The following CACNA2D1 variants were observed in gnomAD, a reference collection of about 807,000 sequenced individuals.
CACNA2D1 encodes the protein voltage-dependent calcium channel subunit alpha-2/delta-1.
A neutral mutation model predicts 171.5 loss-of-function variants in CACNA2D1; 53 were observed. The ratio of observed to expected loss-of-function variants is 0.31; its 90% confidence interval spans 0.25 to 0.39. CACNA2D1 has a LOEUF of 0.39. Ranked by LOEUF, CACNA2D1 falls within the 10% of genes least tolerant of loss-of-function variation. The pLI is 1.00. For synonymous variants in CACNA2D1, 442 were observed against 443.1 expected (o/e 1.00, Z 0.03); for missense variants, 903 against 1,299.8 (o/e 0.69, Z 4.69).
rs539123446 is a variant in CACNA2D1, at chr7:82,280,862, G to C, written c.294+54273C>G. Among the ~76,000 whole-genome samples the C allele has an allele frequency of 6.6e-5, 10 of 152,072 alleles. No individual in the cohort carries two copies. The East Asian group carries it at 1.4e-3, about 21-fold the overall frequency. ...GTGCCTGCCTGGAAATTATTTATTT[G>C]TCTGAGGTCAAACTGCAAGTAAATG... On this transcript the variant is annotated intron_variant, in intron 3 of 38. Transcript: ENST00000356860.
intron 7 of CACNA2D1, among the ~76,000 whole-genome samples, chr7:82,078,146 T>C (rs1326312271): frequency 6.6e-6 from 1 of 152,172 alleles, no homozygotes; most frequent in Admixed American, 6.5e-5. Context: ...ACACATTAGG[T>C]TCCTTTATTG....
intron 3 of CACNA2D1, among the ~76,000 whole-genome samples, chr7:82,290,596 C>A (rs1488036826): frequency 6.7e-6 from 1 of 148,156 alleles, no homozygotes; most frequent in Non-Finnish European, 1.5e-5. Flanking sequence ...AAAAAAAAAG[C>A]CATGAATTTT....
At chr7:82,326,336 A>G (rs1418463025) in intron 3 of CACNA2D1, among the ~76,000 whole-genome samples, 2 of 152,186 alleles carry the variant, frequency 1.3e-5, no homozygotes, top group Non-Finnish European at 2.9e-5. Context: ...CGTGTCATTT[A>G]AAGTCACAGT....
chr7:82,347,748 A>ATT (rs537460387), intron 2 of CACNA2D1, among the ~76,000 whole-genome samples: 25 of 152,100 alleles, frequency 1.6e-4, no homozygotes, highest in Non-Finnish European at 3.2e-4. Context: ...TTAATTTGGA[A>ATT]TTTTTCTGTG....
intron 38 of CACNA2D1, among the ~76,000 whole-genome samples, chr7:81,955,083 T>G (rs1475979790): frequency 3.3e-5 from 5 of 152,102 alleles, no homozygotes; most frequent in Admixed American, 1.3e-4. Context: ...CTTTGATTAA[T>G]AAATGTTAGC....
chr7:82,056,570 G>A (rs929008567), intron 10 of CACNA2D1, among the ~76,000 whole-genome samples: 6 of 151,970 alleles, frequency 3.9e-5, no homozygotes, highest in Non-Finnish European at 7.4e-5. Flanking sequence ...GATACACATG[G>A]GCCTAAAAGC....
At chr7:82,428,959 A>G (rs1585929531) in intron 1 of CACNA2D1, among the ~76,000 whole-genome samples, 1 of 152,320 alleles carries the variant, frequency 6.6e-6, no homozygotes, top group East Asian at 1.9e-4. Context: ...TTTGGGAGTT[A>G]GTAGAGCAAT....
In CACNA2D1 at chr7:82,439,165, T is replaced by A. The variant is rs1048386151; in HGVS notation, c.95+4200A>T. Among the ~76,000 whole-genome samples, 2 of 152,012 alleles carry A rather than the reference T, an allele frequency of 1.3e-5. 1 individual carries two copies. The highest frequency in any genetic ancestry group is 1.3e-4 in the Admixed American group (2 of 15,250). ...TAAGAGGTGCTTTATATAATGATAC[T>A]CCAGAGAATATGTAAATTATATAGT... On this transcript the variant is annotated intron_variant, in intron 1 of 38. Coordinates refer to ENST00000356860, the MANE Select transcript of CACNA2D1 (RefSeq NM_000722.4).
intron 1 of CACNA2D1, among the ~76,000 whole-genome samples, chr7:82,377,347 T>C (rs1823131064): frequency 6.6e-6 from 1 of 152,206 alleles, no homozygotes; most frequent in Admixed American, 6.5e-5. Flanking sequence ...TAACCATCTG[T>C]AGGATTCAAC....
chr7:82,172,747 C>T (rs1257800557), intron 3 of CACNA2D1, among the ~76,000 whole-genome samples: 2 of 146,526 alleles, frequency 1.4e-5, no homozygotes, highest in African/African-American at 5.1e-5. Context: ...CAAAGACATG[C>T]CCTTGACAAA....
chr7:81,957,267 G>C (rs1275109454), intron 38 of CACNA2D1, among the ~76,000 whole-genome samples: 1 of 151,724 alleles, frequency 6.6e-6, no homozygotes, highest in Non-Finnish European at 1.5e-5. Flanking sequence ...CATAAATATT[G>C]AATATGTTTC....
intron 4 of CACNA2D1, among the ~76,000 whole-genome samples, chr7:82,149,591 G>A (rs1245389887): frequency 6.6e-6 from 1 of 152,156 alleles, no homozygotes; most frequent in Non-Finnish European, 1.5e-5. Flanking sequence ...GGCCACCTGA[G>A]AAAGCCCTCA....
intron 7 of CACNA2D1, among the ~76,000 whole-genome samples, chr7:82,077,118 C>T (rs937294428): frequency 7.2e-5 from 11 of 152,078 alleles, no homozygotes; most frequent in Non-Finnish European, 5.9e-5. Context: ...TATAAGTTGA[C>T]TACCTAATTA....
intron 1 of CACNA2D1, among the ~76,000 whole-genome samples, chr7:82,400,659 C>A (rs1156234740): frequency 6.6e-6 from 1 of 152,020 alleles, no homozygotes; most frequent in Non-Finnish European, 1.5e-5. Flanking sequence ...GGACTTCATG[C>A]CTAAAACACC....
intron 22 of CACNA2D1, among the ~76,000 whole-genome samples, chr7:81,983,845 C>G (rs550106146): frequency 5.3e-5 from 8 of 152,274 alleles, no homozygotes; most frequent in Non-Finnish European, 1.2e-4. Flanking sequence ...CTGTAGCTTA[C>G]TTTAAGATCA....
chr7:82,182,914 G>A (rs924312797), intron 3 of CACNA2D1, among the ~76,000 whole-genome samples: 1 of 151,888 alleles, frequency 6.6e-6, no homozygotes, highest in African/African-American at 2.4e-5. Flanking sequence ...GTGTGCTCCT[G>A]TAATCCCAGC....
intron 24 of CACNA2D1, among the ~76,000 whole-genome samples, chr7:81,975,158 A>G (rs1333767554): frequency 2.0e-5 from 3 of 152,140 alleles, no homozygotes; most frequent in African/African-American, 7.2e-5. Flanking sequence ...TGTTAAACTT[A>G]TACAAGATGT....
At chr7:82,436,329 A>T (rs1342332631) in intron 1 of CACNA2D1, among the ~76,000 whole-genome samples, 2 of 152,150 alleles carry the variant, frequency 1.3e-5, no homozygotes, top group East Asian at 3.9e-4. Context: ...CTTTCTTGTA[A>T]TCTAATGAAA....
chr7:82,409,465 A>G (rs984035530), intron 1 of CACNA2D1, among the ~76,000 whole-genome samples: 4 of 152,196 alleles, frequency 2.6e-5, no homozygotes, highest in Non-Finnish European at 5.9e-5. Flanking sequence ...GTATTGGCAA[A>G]AGCAGAAACT....
Sources: gnomAD v4.1 joint callset for allele counts (sites outside exome capture counted in the v4.1 genomes callset) on GRCh38, gnomAD v4.1.1 for gene constraint, MANE v1.5 for transcripts, NCBI Gene and HGNC (gene_info 2026-07-23, HGNC 2026-07-21) for gene names.